The following NFIA variants were observed in gnomAD, a reference collection of about 807,000 sequenced individuals.
The protein encoded by NFIA is nuclear factor 1 A-type.
In NFIA, 8 loss-of-function variants were observed where a neutral mutation model predicts 62.8. The ratio of observed to expected loss-of-function variants is 0.13; its 90% CI spans 0.07 to 0.23. NFIA has a LOEUF of 0.23. NFIA is among the 10% of genes least tolerant of loss of function. The probability of loss-of-function intolerance (pLI) is 1.00; values close to 1 mark genes in which losing one functional copy is unlikely to be tolerated. For missense variants in NFIA, 410 were observed against 642.1 expected, an observed-to-expected ratio of 0.64 and a Z score of 3.91; for synonymous variants, 235 against 238.1, an observed-to-expected ratio of 0.99 and a Z score of 0.12.
At chr1:61,297,826 G>A (rs1659269076) in intron 3 of NFIA, among the ~76,000 whole-genome samples, 1 of 152,164 alleles carries the variant, frequency 6.6e-6, no homozygotes, top group East Asian at 1.9e-4. Context: ...TTAGGGACAG[G>A]AAGCGGAAAG....
chr1:61,357,509 C>G (rs1290114928), intron 5 of NFIA, among the ~76,000 whole-genome samples: 1 of 152,034 alleles, frequency 6.6e-6, no homozygotes, highest in African/African-American at 2.4e-5. Context: ...CTGCCTCTGC[C>G]CTTTCCTTCA....
At chr1:61,240,241 T>C (rs778518103) in intron 2 of NFIA, among the ~76,000 whole-genome samples, 1 of 152,122 alleles carries the variant, frequency 6.6e-6, no homozygotes, top group Non-Finnish European at 1.5e-5. Flanking sequence ...GGAAACATTG[T>C]TATTAATGGA....
intron 9 of NFIA, among the ~76,000 whole-genome samples, chr1:61,411,328 G>T (rs1302331495): frequency 6.6e-6 from 1 of 152,152 alleles, no homozygotes; most frequent in Non-Finnish European, 1.5e-5. Flanking sequence ...GTAGGGAAGT[G>T]GGGGTGGGGC....
chr1:61,233,237 G>A (rs1227722110), intron 2 of NFIA, among the ~76,000 whole-genome samples: 1 of 152,056 alleles, frequency 6.6e-6, no homozygotes. Context: ...TCAAACTATT[G>A]TGTGCACAAA....
intron 3 of NFIA, among the ~76,000 whole-genome samples, chr1:61,295,318 A>G (rs568596739): frequency 5.9e-5 from 9 of 152,352 alleles, no homozygotes; most frequent in African/African-American, 2.2e-4. Flanking sequence ...AGAGTAAACT[A>G]GGAGTGGGCT....
At chr1:61,187,489 G>C (rs1290758177) in intron 2 of NFIA, among the ~76,000 whole-genome samples, 1 of 152,208 alleles carries the variant, frequency 6.6e-6, no homozygotes, top group Non-Finnish European at 1.5e-5. Flanking sequence ...TTTTCCTGGG[G>C]AAGTGTAAGG....
chr1:61,298,273 GC>G (rs1392077261), intron 3 of NFIA, among the ~76,000 whole-genome samples: 1 of 152,124 alleles, frequency 6.6e-6, no homozygotes, highest in Non-Finnish European at 1.5e-5. Flanking sequence ...AGATGTGTCT[GC>G]TTCCCCTTCA....
At chr1:61,344,613 A>G (rs1662115370) in intron 4 of NFIA, among the ~76,000 whole-genome samples, 2 of 152,218 alleles carry the variant, frequency 1.3e-5, no homozygotes, top group African/African-American at 4.8e-5. Flanking sequence ...GGTTTTCTAT[A>G]TCTTGTCCAC....
intron 7 of NFIA, among the ~76,000 whole-genome samples, chr1:61,384,883 C>T (rs1445845340): frequency 6.6e-6 from 1 of 152,058 alleles, no homozygotes; most frequent in Non-Finnish European, 1.5e-5. Context: ...TGGTTCCTGT[C>T]CTCATAGAGC....
chr1:61,126,551 C>A (rs1646974863), intron 2 of NFIA, among the ~76,000 whole-genome samples: 1 of 151,232 alleles, frequency 6.6e-6, no homozygotes, highest in African/African-American at 2.4e-5. Context: ...AGAGGTATAG[C>A]CTTAAAGAAT....
intron 2 of NFIA, among the ~76,000 whole-genome samples, chr1:61,109,634 G>C (rs1159994668): frequency 6.6e-6 from 1 of 151,850 alleles, no homozygotes; most frequent in Non-Finnish European, 1.5e-5. Context: ...TTATCAGATA[G>C]TGCTAGAATA....
At chr1:61,442,546 A>C (rs1569890903) in intron 10 of NFIA, among the ~76,000 whole-genome samples, 1 of 151,172 alleles carries the variant, frequency 6.6e-6, no homozygotes, top group African/African-American at 2.4e-5. Flanking sequence ...TCTCCCATTC[A>C]CCATTTTGTC....
intron 2 of NFIA, among the ~76,000 whole-genome samples, chr1:61,215,987 A>G (rs1319567280): frequency 6.6e-6 from 1 of 152,206 alleles, no homozygotes; most frequent in Non-Finnish European, 1.5e-5. Context: ...GAACTTGATA[A>G]TTCCCCAAAT....
At chr1:61,096,547 CTTTTTTTTTTTT>C (rs369305204) in intron 2 of NFIA, among the ~76,000 whole-genome samples, 2 of 80,606 alleles carry the variant, frequency 2.5e-5, no homozygotes, top group Non-Finnish European at 4.6e-5. Flanking sequence ...AAGATTAGTT[CTTTTTTTTTTTT>C]TTTTTTTTTT....
chr1:61,415,096 A>G (rs1666291954), intron 9 of NFIA, among the ~76,000 whole-genome samples: 1 of 152,230 alleles, frequency 6.6e-6, no homozygotes, highest in African/African-American at 2.4e-5. Context: ...TATGAAAGAG[A>G]CTTAAATACG....
chr1:61,414,049 C>G lies in NFIA; in HGVS notation c.1420+7322C>G, dbSNP rs150954465. Among the ~76,000 whole-genome samples the G allele has an allele frequency of 4.4e-3, 677 of 152,178 alleles. 14 individuals are homozygous for G. Among genetic ancestry groups the G allele is most frequent in the East Asian group, 0.044 (225 of 5,170 alleles). ...CCAGGCTGGAGTGCAGTGGCGCAAT[C>G]TCAGCTCACTGCAATCTCCATCTTT... On this transcript the variant is annotated intron_variant, in intron 9 of 10. Transcript: ENST00000403491.
At chr1:61,408,531 CTCTG>C (rs1422882368) in intron 9 of NFIA, among the ~76,000 whole-genome samples, 2 of 152,224 alleles carry the variant, frequency 1.3e-5, no homozygotes, top group Non-Finnish European at 2.9e-5. Context: ...CTCGTCTTCT[CTCTG>C]TCTGTGCAGG....
At chr1:61,390,290 G>A (rs540704989) in intron 7 of NFIA, among the ~76,000 whole-genome samples, 6 of 151,890 alleles carry the variant, frequency 4.0e-5, no homozygotes, top group East Asian at 1.9e-4. Context: ...TCAGACATAC[G>A]AAATGCAAAC....
intron 3 of NFIA, among the ~76,000 whole-genome samples, chr1:61,324,034 C>A (rs1394821559): frequency 1.3e-5 from 2 of 152,140 alleles, no homozygotes; most frequent in Non-Finnish European, 2.9e-5. Context: ...CTGAGCACAC[C>A]TAAAATGTTC....
Sources: allele counts gnomAD v4.1 joint callset (sites outside exome capture counted in the v4.1 genomes callset), GRCh38; gene constraint gnomAD v4.1.1; transcripts MANE v1.5; gene names NCBI Gene and HGNC (gene_info 2026-07-23, HGNC 2026-07-21).